UGT1A4: variants seen among roughly 807,000 people sequenced by gnomAD.
The protein encoded by UGT1A4 is UDP-glucuronosyltransferase 1A4.
Under a neutral mutation model 41.1 loss-of-function variants are expected in UGT1A4, and 32 were observed. The observed-to-expected ratio is 0.78, with a 90% CI of 0.59 to 1.05. The LOEUF is 1.05. UGT1A4 is among the 50% of genes least tolerant of loss of function. UGT1A4 has a pLI of 0.00. For synonymous variants in UGT1A4, 283 were observed against 265.1 expected (o/e 1.07, Z -0.66); for missense variants, 748 against 677.4 (o/e 1.10, Z -1.16).
intron 1 of UGT1A4, among the ~76,000 whole-genome samples, chr2:233,731,393 G>C (rs558248956): frequency 2.0e-5 from 3 of 151,372 alleles, no homozygotes; most frequent in Admixed American, 1.3e-4. Flanking sequence ...CCACCAACTC[G>C]TCATTTACAT....
At chr2:233,766,566 G>A (rs930471985) in intron 1 of UGT1A4, among the ~76,000 whole-genome samples, 1 of 152,162 alleles carries the variant, frequency 6.6e-6, no homozygotes, top group Non-Finnish European at 1.5e-5. Context: ...AGGTCCATGG[G>A]CACAGGTCTG....
In UGT1A4 at chr2:233,719,525, C is replaced by T. The variant is rs2076777345; in HGVS notation, c.705C>T (p.Ala235=). The T allele has an allele frequency of 1.3e-5, 21 of 1,613,982 alleles. No individual in the cohort carries two copies. Among genetic ancestry groups the T allele is most frequent in the Non-Finnish European group, 1.8e-5 (21 of 1,179,874 alleles). The change falls in exon 1 of 5, where the codon GCC becomes GCT. Residue 235 remains alanine, a synonymous_variant. Coordinates refer to ENST00000373409, the MANE Select transcript of UGT1A4 (RefSeq NM_007120.3). ...TTTCTGCCCCTTATGCAAGTCTTGC[C>T]TCTGAGCTTTTTCAGAGAGAGGTGT... is the stretch of plus-strand genomic sequence containing the variant. ...HTFSAPYASL[A]SELFQREVSV...
At chr2:233,770,165 A>G (rs941175167) in intron 4 of UGT1A4, 2 of 152,226 alleles carry the variant, frequency 1.3e-5, no homozygotes, top group Admixed American at 1.3e-4. Context: ...ACACAAATCA[A>G]TGAGCTCAAC....
Position 233,760,789 on chromosome 2 carries a change from A to G in UGT1A4, c.868-6245A>G, listed in dbSNP as rs756010756. 3.7e-6 allele frequency: 6 copies of G among 1,613,282 alleles called. No homozygotes were observed. In the African/African-American group the frequency reaches 6.7e-5, roughly 18 times the overall value. On this transcript the variant is annotated intron_variant, in intron 1 of 4. Coordinates refer to ENST00000373409, the MANE Select transcript of UGT1A4 (RefSeq NM_007120.3). Reference sequence around the variant, plus strand: ...CGTGGCCCAGTACCTGTCTCTGCCCACTGTATTCTTCTTGCATGCACTGCC... The same window carrying G: ...CGTGGCCCAGTACCTGTCTCTGCCCGCTGTATTCTTCTTGCATGCACTGCC...
rs557222655 is a variant in UGT1A4 at position 233,742,227 on chromosome 2, CCAAA to C, written c.867+22543_867+22546del. 1.9e-3 allele frequency among the ~76,000 whole-genome samples: 286 copies of C among 151,916 alleles called. 2 individuals carry two copies. The highest frequency in any genetic ancestry group is 3.7e-3 in the Admixed American group (56 of 15,294). ...CTCACAGCCTTCAGGGCTGAGAGCCCCAAACAGAGATTTACCCACATATTTATTG... is the reference window on the plus strand; with the variant it reads ...CTCACAGCCTTCAGGGCTGAGAGCCCCAGAGATTTACCCACATATTTATTG... On this transcript the variant is annotated intron_variant, in intron 1 of 4. Coordinates refer to ENST00000373409, the MANE Select transcript of UGT1A4 (RefSeq NM_007120.3).
At chr2:233,742,994 G>A in intron 1 of UGT1A4, 1 of 234,262 alleles carries the variant, frequency 4.3e-6, no homozygotes, top group South Asian at 6.0e-5. Flanking sequence ...ATAGCAAATT[G>A]CATACAGATA....
At chr2:233,733,349 A>G (rs2078383878) in intron 1 of UGT1A4, among the ~76,000 whole-genome samples, 1 of 152,106 alleles carries the variant, frequency 6.6e-6, no homozygotes, top group South Asian at 2.1e-4. Flanking sequence ...CAGTATGTTG[A>G]GTAGGAGTGG....
Position 233,769,434 on chromosome 2 carries a change from T to C in UGT1A4, c.1307+995T>C, listed in dbSNP as rs999407687. 1.3e-5 allele frequency: 20 copies of C among 1,542,190 alleles called. No homozygotes were observed. Among genetic ancestry groups the C allele is most frequent in the Non-Finnish European group, 1.7e-5 (19 of 1,120,764 alleles). On this transcript the variant is annotated intron_variant, in intron 4 of 4. Coordinates refer to ENST00000373409, the MANE Select transcript of UGT1A4 (RefSeq NM_007120.3). This position sits in a 1 kb window ranked among gnomAD's most constrained non-coding sequence, Gnocchi z 4.4. ...GCGTTTGTGCATGTGGCTGTGCTCA[T>C]GTGTGGGTGCACACGTGTGCATTCA...
rs2078696404 is a variant in UGT1A4 at position 233,735,803 on chromosome 2, A to G, written c.867+16116A>G. ...TGGCTGCATATGAATTTCTGGGTTG[A>G]AAATTCTTTTCTTTAAGAATGTTGA... On this transcript the variant is annotated intron_variant, in intron 1 of 4. Transcript: ENST00000373409. 2.0e-5 allele frequency among the ~76,000 whole-genome samples: 3 copies of G among 152,192 alleles called. No individual in the cohort carries two copies. The South Asian group carries it at 6.2e-4, about 31-fold the overall frequency.
chr2:233,740,339 A>T (rs1249228201), intron 1 of UGT1A4, among the ~76,000 whole-genome samples: 1 of 151,952 alleles, frequency 6.6e-6, no homozygotes, highest in Admixed American at 6.5e-5. Context: ...GAGAAAGTTG[A>T]TGAGAAAGTG....
chr2:233,747,622 T>G, intron 1 of UGT1A4: 6 of 1,577,576 alleles, frequency 3.8e-6, no homozygotes, highest in Non-Finnish European at 5.2e-6. Context: ...AATGAGGCCC[T>G]GATCAGGCAC....
chr2:233,747,613 A>T, intron 1 of UGT1A4: 1 of 1,574,722 alleles, frequency 6.4e-7, no homozygotes, highest in Non-Finnish European at 8.7e-7. Context: ...CTACTGCATA[A>T]TGAGGCCCTG....
At chr2:233,771,377 T>A (rs1700299205) in intron 4 of UGT1A4, 1 of 152,184 alleles carries the variant, frequency 6.6e-6, no homozygotes, top group Non-Finnish European at 1.5e-5. Flanking sequence ...CCGTTTTGGA[T>A]TGAGATGTTC....
At chr2:233,721,643 G>A (rs953438688) in intron 1 of UGT1A4, 2 of 207,656 alleles carry the variant, frequency 9.6e-6, no homozygotes, top group Non-Finnish European at 2.0e-5. Context: ...TCTTGAATGT[G>A]GCAGTGGGGG....
chr2:233,741,489 A>G (rs1390991788), intron 1 of UGT1A4: 2 of 151,928 alleles, frequency 1.3e-5, no homozygotes, highest in African/African-American at 4.9e-5. Flanking sequence ...TCTGATGTAC[A>G]AAAAACTGAA....
At chr2:233,756,038 T>C (rs1229247298) in intron 1 of UGT1A4, 1 of 152,242 alleles carries the variant, frequency 6.6e-6, no homozygotes, top group Non-Finnish European at 1.5e-5. Flanking sequence ...ATGTAGCTTC[T>C]GGAAAACTCC....
intron 1 of UGT1A4, among the ~76,000 whole-genome samples, chr2:233,759,856 C>T (rs1446471980): frequency 2.0e-5 from 3 of 152,092 alleles, no homozygotes; most frequent in Admixed American, 6.6e-5. Context: ...GTTTCCATGG[C>T]GAAAGCGGGG....
At chr2:233,722,525 T>C (rs1187411582) in intron 1 of UGT1A4, among the ~76,000 whole-genome samples, 1 of 152,230 alleles carries the variant, frequency 6.6e-6, no homozygotes, top group Non-Finnish European at 1.5e-5. Flanking sequence ...TATTTTTGCC[T>C]TAATGATTTC....
At chr2:233,753,147 TA>T (rs1254691339) in intron 1 of UGT1A4, 35 of 152,236 alleles carry the variant, frequency 2.3e-4, no homozygotes, top group African/African-American at 7.5e-4. Context: ...TTCACACATG[TA>T]AGTTCCCTTA....
Sources: gnomAD v4.1 joint callset for allele counts (sites outside exome capture counted in the v4.1 genomes callset) on GRCh38, gnomAD v4.1.1 for gene constraint, Gnocchi (gnomAD v3.1) non-coding constraint, MANE v1.5 for transcripts, NCBI Gene and HGNC (gene_info 2026-07-23, HGNC 2026-07-21) for gene names.